Variants in PEAK1 observed in about 807,000 individuals in gnomAD.
PEAK1 encodes the protein inactive tyrosine-protein kinase PEAK1.
In PEAK1, 54 loss-of-function variants were observed where a neutral mutation model predicts 124.7. The observed-to-expected ratio is 0.43, with a 90% CI of 0.35 to 0.54. PEAK1 has a LOEUF of 0.54. Ranked by LOEUF, PEAK1 falls within the 20% of genes least tolerant of loss-of-function variation. The pLI, the probability that PEAK1 is intolerant of heterozygous loss-of-function variation, is 0.01. For synonymous variants in PEAK1, 719 were observed against 760.0 expected, an observed-to-expected ratio of 0.95 and a Z score of 0.89; for missense variants, 2,046 against 2,134.5, an observed-to-expected ratio of 0.96 and a Z score of 0.82.
Position 77,313,554 on chromosome 15 carries a change from C to T in PEAK1, c.-602-27050G>A, listed in dbSNP as rs572919271. Reference sequence around the variant, plus strand: ...CGAACTCGGCTCACCGCAACCTCCACCTCCTGGGTTCAAGCGATTCTCCTG... The same window carrying T: ...CGAACTCGGCTCACCGCAACCTCCATCTCCTGGGTTCAAGCGATTCTCCTG... On this transcript the variant is annotated intron_variant, in intron 2 of 9. Coordinates refer to ENST00000682557, the MANE Select transcript of PEAK1 (RefSeq NM_001385026.1). 5.9e-5 allele frequency among the ~76,000 whole-genome samples: 9 copies of T among 151,568 alleles called. No homozygotes were observed. The East Asian group carries it at 1.5e-3, about 26-fold the overall frequency.
At chr15:77,306,726 A>G (rs998265467) in intron 2 of PEAK1, among the ~76,000 whole-genome samples, 2 of 152,242 alleles carry the variant, frequency 1.3e-5, no homozygotes, top group Non-Finnish European at 2.9e-5. Context: ...AGGCATCCCA[A>G]TTCCAAACTC....
At chr15:77,233,722 T>G (rs1462095525) in intron 6 of PEAK1, among the ~76,000 whole-genome samples, 1 of 152,238 alleles carries the variant, frequency 6.6e-6, no homozygotes, top group Non-Finnish European at 1.5e-5. Context: ...TCTTGACATC[T>G]CCACTTGGAT....
At chr15:77,176,967 T>C (rs117309977) in intron 7 of PEAK1, among the ~76,000 whole-genome samples, 27 of 152,218 alleles carry the variant, frequency 1.8e-4, no homozygotes, top group Middle Eastern at 3.4e-3. Flanking sequence ...AAATACATGT[T>C]TTTTTTTGAG....
chr15:77,172,590 A>G (rs1290204454), intron 7 of PEAK1, among the ~76,000 whole-genome samples: 1 of 152,204 alleles, frequency 6.6e-6, no homozygotes, highest in Non-Finnish European at 1.5e-5. Context: ...TTCATGAAAG[A>G]GGGGGCTAGT....
intron 2 of PEAK1, chr15:77,348,834 G>A (rs1381115003): frequency 3.6e-6 from 3 of 843,014 alleles, no homozygotes; most frequent in African/African-American, 1.9e-5. Flanking sequence ...TAGAGTGGGG[G>A]TCTAACTGTG....
chr15:77,305,126 G>C (rs1022391451), intron 2 of PEAK1, among the ~76,000 whole-genome samples: 2 of 142,984 alleles, frequency 1.4e-5, no homozygotes, highest in South Asian at 2.4e-4. Context: ...CTGGACAACA[G>C]AGCAAGACCC....
intron 1 of PEAK1, among the ~76,000 whole-genome samples, chr15:77,407,882 G>GAT (rs71145822): frequency 0.014 from 2,032 of 146,382 alleles, 36 homozygotes; most frequent in African/African-American, 0.041. Flanking sequence ...GATAAAGCAT[G>GAT]ATATATATAT....
At chr15:77,362,879 G>A (rs867292110) in intron 2 of PEAK1, among the ~76,000 whole-genome samples, 11 of 151,692 alleles carry the variant, frequency 7.3e-5, no homozygotes, top group East Asian at 1.9e-4. Context: ...TTTTTTAGAC[G>A]GAGTCTTACT....
chr15:77,404,187 T>G (rs1317573567), intron 1 of PEAK1: 1 of 985,308 alleles, frequency 1.0e-6, no homozygotes, highest in Non-Finnish European at 1.2e-6. Flanking sequence ...AGGCAAAGGT[T>G]TAACATCTTG....
chr15:77,158,047 G>C (rs1401412361), intron 8 of PEAK1: 1 of 157,716 alleles, frequency 6.3e-6, no homozygotes, highest in Non-Finnish European at 1.4e-5. Context: ...GTGCCTACAT[G>C]CATCTCCATG....
intron 8 of PEAK1, among the ~76,000 whole-genome samples, chr15:77,150,603 C>G (rs898600099): frequency 6.6e-6 from 1 of 151,814 alleles, no homozygotes; most frequent in Admixed American, 6.6e-5. Flanking sequence ...TGTTGGTGTG[C>G]TGCACCCATT....
intron 2 of PEAK1, among the ~76,000 whole-genome samples, chr15:77,299,281 T>C (rs955730835): frequency 2.6e-5 from 4 of 152,212 alleles, no homozygotes; most frequent in African/African-American, 4.8e-5. Flanking sequence ...ATGGCTTTTA[T>C]TGAAAGCTTT....
intron 1 of PEAK1, among the ~76,000 whole-genome samples, chr15:77,399,180 C>G (rs1028388743): frequency 6.6e-6 from 1 of 152,090 alleles, no homozygotes. Context: ...AATGTCCACA[C>G]AACCTAAAGC....
chr15:77,220,723 TTAATC>T (rs1475617468), intron 6 of PEAK1, among the ~76,000 whole-genome samples: 4 of 152,220 alleles, frequency 2.6e-5, no homozygotes, highest in African/African-American at 7.2e-5. Flanking sequence ...TGTTCAATGA[TTAATC>T]TATATGCACG....
chr15:77,417,334 C>A, intron 1 of PEAK1: 1 of 982,282 alleles, frequency 1.0e-6, no homozygotes, highest in Non-Finnish European at 1.2e-6. Flanking sequence ...CTATTCCTGG[C>A]CTGAAGGTTA....
intron 1 of PEAK1, chr15:77,381,397 G>T: frequency 2.3e-6 from 2 of 858,726 alleles, no homozygotes; most frequent in Non-Finnish European, 2.8e-6. Context: ...CTGCACTTCA[G>T]TTTGGGCAAC....
chr15:77,323,621 A>T (rs1260446181), intron 2 of PEAK1, among the ~76,000 whole-genome samples: 1 of 152,228 alleles, frequency 6.6e-6, no homozygotes, highest in Non-Finnish European at 1.5e-5. Context: ...CCACTGCTCA[A>T]TGAAATTAAA....
At chr15:77,241,291 T>A (rs1335553310) in intron 6 of PEAK1, among the ~76,000 whole-genome samples, 1 of 152,182 alleles carries the variant, frequency 6.6e-6, no homozygotes, top group Non-Finnish European at 1.5e-5. Flanking sequence ...CAGCCATTCA[T>A]AATGAAAACT....
intron 2 of PEAK1, among the ~76,000 whole-genome samples, chr15:77,306,147 G>A (rs1206301656): frequency 6.6e-6 from 1 of 152,110 alleles, no homozygotes; most frequent in Non-Finnish European, 1.5e-5. Flanking sequence ...TCCTTGTAAT[G>A]GCAGTTAACG....
Sources: gnomAD v4.1 joint callset for allele counts (sites outside exome capture counted in the v4.1 genomes callset) on GRCh38, gnomAD v4.1.1 for gene constraint, MANE v1.5 for transcripts, NCBI Gene and HGNC (gene_info 2026-07-23, HGNC 2026-07-21) for gene names.